PARD3: variants seen among roughly 807,000 people sequenced by gnomAD.
The protein encoded by PARD3 is par-3 family cell polarity regulator.
A neutral mutation model predicts 155.4 loss-of-function variants in PARD3; 75 were observed. The ratio of observed to expected loss-of-function variants is 0.48; its 90% CI spans 0.40 to 0.58. The LOEUF (loss-of-function observed/expected upper bound fraction) is 0.58. PARD3 is among the 20% of genes least tolerant of loss of function. The probability of loss-of-function intolerance (pLI) is 0.00; values close to 1 mark genes in which losing one functional copy is unlikely to be tolerated. For missense variants in PARD3, 1,642 were observed against 1,721.7 expected (o/e 0.95, Z 0.82); for synonymous variants, 576 against 610.5 (o/e 0.94, Z 0.83).
chr10:34,252,758 CTA>C (rs10631689), intron 22 of PARD3, among the ~76,000 whole-genome samples: 37 of 149,412 alleles, frequency 2.5e-4, no homozygotes, highest in South Asian at 1.5e-3. Context: ...GTATGTATGT[CTA>C]TATATATATA....
chr10:34,152,198 C>T (rs1948811860), intron 22 of PARD3, among the ~76,000 whole-genome samples: 1 of 152,006 alleles, frequency 6.6e-6, no homozygotes. Context: ...CTGTAGCTAG[C>T]AGAGACTTAA....
At chr10:34,254,384 C>A (rs1223542930) in intron 22 of PARD3, among the ~76,000 whole-genome samples, 2 of 77,696 alleles carry the variant, frequency 2.6e-5, no homozygotes, top group African/African-American at 4.6e-4. Flanking sequence ...GTCTCAAAAA[C>A]AAAAACAAAA....
intron 2 of PARD3, among the ~76,000 whole-genome samples, chr10:34,674,478 ATTTTTTTT>A (rs11402018): frequency 2.5e-5 from 2 of 79,528 alleles, no homozygotes; most frequent in South Asian, 1.2e-3. Context: ...CACGCTCTTG[ATTTTTTTT>A]TTTTTTTTTT....
chr10:34,417,379 G>A (rs987347651), intron 5 of PARD3, among the ~76,000 whole-genome samples: 1 of 152,040 alleles, frequency 6.6e-6, no homozygotes, highest in African/African-American at 2.4e-5. Context: ...AATTTCCTAT[G>A]ATCAAAATTT....
intron 2 of PARD3, among the ~76,000 whole-genome samples, chr10:34,530,137 CA>C (rs1395568387): frequency 1.3e-5 from 2 of 152,218 alleles, no homozygotes; most frequent in Admixed American, 6.5e-5. Context: ...CTTGCTGTCT[CA>C]GGGGTGGCAG....
rs1256329974 is a variant in PARD3, at chr10:34,535,814, T to TA, written c.223-18656_223-18655insT. On this transcript the variant is annotated intron_variant, in intron 2 of 24. Transcript: ENST00000374788. The stretch of plus-strand genomic sequence containing the variant: ...ATTAATGTTTAACCCACAATTATCT[T>TA]TAAAAAAAAAAAAATAGTTAGGCTT... Among the ~76,000 whole-genome samples the TA allele has an allele frequency of 4.1e-4, 41 of 100,262 alleles. No individual in the cohort carries two copies. The East Asian group carries it at 9.7e-3, about 24-fold the overall frequency. The allele number at this position is 100,262 out of a possible 152,430, so 65.8% of individuals were successfully genotyped here.
In PARD3 at chr10:34,348,079, G is replaced by A. The variant is rs369389366; in HGVS notation, c.2104C>T (p.Pro702Ser). 9.9e-6 allele frequency: 16 copies of A among 1,611,978 alleles called. No homozygotes were observed. Among genetic ancestry groups the A allele is most frequent in the African/African-American group, 5.3e-5 (4 of 74,852 alleles). The change falls in exon 15 of 25, where the codon CCC becomes TCC. Residue 702 changes from proline to serine, a missense_variant. Transcript: ENST00000374788. ...SPGSPPGPEL[P>S]IETALDDRER... ...CTATCATCCAACGCTGTTTCAATGG[G>A]CAGCTCAGGTCCAGGGGGGCTCCCA...
chr10:34,721,060 T>C (rs928725466), intron 1 of PARD3, among the ~76,000 whole-genome samples: 5 of 152,124 alleles, frequency 3.3e-5, no homozygotes, highest in African/African-American at 9.7e-5. Context: ...AGAAAGGCAA[T>C]AGAAGTATCC....
intron 4 of PARD3, among the ~76,000 whole-genome samples, chr10:34,465,430 T>A (rs1452742193): frequency 6.6e-6 from 1 of 152,190 alleles, no homozygotes; most frequent in Non-Finnish European, 1.5e-5. Context: ...AAAAGCGAGA[T>A]GACAAAGACA....
chr10:34,808,830 GCTTCACATCCGCCAGATT>G lies in PARD3; in HGVS notation c.120+6028_120+6045del, dbSNP rs142374109. Among the ~76,000 whole-genome samples, 883 of 152,244 alleles carry G rather than the reference GCTTCACATCCGCCAGATT, an allele frequency of 5.8e-3. 6 individuals are homozygous for G. Among genetic ancestry groups the G allele is most frequent in the African/African-American group, 0.02 (848 of 41,526 alleles). On this transcript the variant is annotated intron_variant, in intron 1 of 24. Transcript: ENST00000374788. The stretch of plus-strand genomic sequence containing the variant: ...CCATGTCTACCACAAGCCAAGAAGC[GCTTCACATCCGCCAGATT>G]CTCTCTGAGAATCTCAGATCCTAAA...
chr10:34,317,595 A>G (rs536750647), intron 19 of PARD3, among the ~76,000 whole-genome samples: 1 of 152,268 alleles, frequency 6.6e-6, no homozygotes, highest in Admixed American at 6.5e-5. Context: ...TGATGCACCC[A>G]CAGAAACACC....
intron 22 of PARD3, among the ~76,000 whole-genome samples, chr10:34,222,390 C>T (rs1048212235): frequency 1.3e-5 from 2 of 152,210 alleles, no homozygotes; most frequent in Non-Finnish European, 2.9e-5. Flanking sequence ...CCTTGCCCTG[C>T]AGAAAGCGGT....
At chr10:34,800,385 G>C (rs188747242) in intron 1 of PARD3, among the ~76,000 whole-genome samples, 1 of 151,840 alleles carries the variant, frequency 6.6e-6, no homozygotes, top group Non-Finnish European at 1.5e-5. Flanking sequence ...CGAGGCAGGC[G>C]AATCACCTGA....
rs72788243 is a variant in PARD3, at chr10:34,320,737, T to C, written c.2834-3399A>G. On this transcript the variant is annotated intron_variant, in intron 19 of 24. Coordinates refer to ENST00000374788, the MANE Select transcript of PARD3 (RefSeq NM_001184785.2). Reference sequence around the variant, plus strand: ...TAGCTTCAGGTTTTGTAACCTCATTTTATAAAATTAAAAGTCCTACCTCTG... The same window carrying C: ...TAGCTTCAGGTTTTGTAACCTCATTCTATAAAATTAAAAGTCCTACCTCTG... Among the ~76,000 whole-genome samples the C allele has an allele frequency of 2.5e-3, 385 of 152,332 alleles. 1 individual carries two copies. The highest frequency in any genetic ancestry group is 4.2e-3 in the Non-Finnish European group (287 of 68,026).
At chr10:34,720,752 G>A (rs1036192333) in intron 1 of PARD3, among the ~76,000 whole-genome samples, 21 of 151,486 alleles carry the variant, frequency 1.4e-4, no homozygotes, top group African/African-American at 2.7e-4. Context: ...AGCCAAGATC[G>A]CGCCATTGCA....
chr10:34,378,025 A>G lies in PARD3; in HGVS notation c.1481T>C (p.Leu494Pro). The G allele has an allele frequency of 6.3e-7, 1 of 1,589,140 alleles. No homozygotes were observed. ...GSAPIYVKNI[L>P]PRGAAIQDGR... ...ATCCTGAATGGCCGCCCCCCGGGGG[A>G]GAATGTTTTTCACATAGATTGGAGC... The change falls in exon 10 of 25, where the codon CTC becomes CCC. Residue 494 changes from leucine to proline, a missense_variant. By Grantham distance (98) the Leu-to-Pro change is moderately conservative. Transcript: ENST00000374788.
intron 2 of PARD3, among the ~76,000 whole-genome samples, chr10:34,569,557 A>C (rs1461548020): frequency 6.6e-6 from 1 of 152,010 alleles, no homozygotes; most frequent in Non-Finnish European, 1.5e-5. Context: ...AGCTGGGACT[A>C]CAGGTGCCCG....
rs972017357 is a variant in PARD3 at position 34,443,601 on chromosome 10, C to T, written c.714+6716G>A. Among the ~76,000 whole-genome samples the T allele has an allele frequency of 2.2e-4, 33 of 152,066 alleles. 1 individual carries two copies. Among genetic ancestry groups the T allele is most frequent in the Non-Finnish European group, 2.9e-5 (2 of 68,020 alleles). On this transcript the variant is annotated intron_variant, in intron 5 of 24. Coordinates refer to ENST00000374788, the MANE Select transcript of PARD3 (RefSeq NM_001184785.2). The stretch of plus-strand genomic sequence containing the variant: ...TCCCATTTTTAAAATCATCAGAGTT[C>T]ATGAGACTTACTATCATGAGAACAG...
Position 34,470,196 on chromosome 10 carries a change from A to G in PARD3, c.471T>C (p.Asp157=). The part of the protein sequence containing the change: ...ALIGLSTSVS[D]SNFSSEEPSR... ...AAGGCTCTTCAGAGGAAAAATTACT[A>G]TCACTGACAGAAGTGGAGAGGCCAA... The change falls in exon 4 of 25, where the codon GAT becomes GAC. Residue 157 remains aspartate (D), a synonymous_variant. Transcript: ENST00000374788. The G allele has an allele frequency of 6.2e-7, 1 of 1,613,400 alleles. No homozygotes were observed. Among genetic ancestry groups the G allele is most frequent in the African/African-American group, 1.3e-5 (1 of 75,040 alleles).
Sources: allele counts gnomAD v4.1 joint callset (sites outside exome capture counted in the v4.1 genomes callset), GRCh38; gene constraint gnomAD v4.1.1; transcripts MANE v1.5; gene names NCBI Gene and HGNC (gene_info 2026-07-23, HGNC 2026-07-21).